BBOF1: variants seen among roughly 807,000 people sequenced by gnomAD.
BBOF1 encodes basal body-orientation factor 1.
In BBOF1, 62 loss-of-function variants were observed where a neutral mutation model predicts 68.0. That is an observed-to-expected ratio of 0.91 (90% confidence interval 0.74 to 1.13). The LOEUF (loss-of-function observed/expected upper bound fraction) is 1.13, where lower values mean the gene tolerates loss of function less well. Ranked by LOEUF, BBOF1 falls within the 50% of genes most tolerant of loss-of-function variation. The pLI, the probability that BBOF1 is intolerant of heterozygous loss-of-function variation, is 0.00. For synonymous variants in BBOF1, 208 were observed against 198.8 expected (o/e 1.05, Z -0.39); for missense variants, 534 against 600.1 (o/e 0.89, Z 1.15).
chr14:74,077,354 T>G (rs1044557981), intron 9 of BBOF1, among the ~76,000 whole-genome samples: 3 of 152,204 alleles, frequency 2.0e-5, no homozygotes, highest in Non-Finnish European at 4.4e-5. Context: ...TTTGGTATCT[T>G]ATTCCGTTTT....
In BBOF1 at chr14:74,055,588, C is replaced by T; in HGVS notation, c.1291C>T (p.His431Tyr). Residue 431 changes from histidine to tyrosine, a missense_variant, in exon 9 of 12, where the codon CAT becomes TAT. Transcript: ENST00000394009. ...QDLLEAEKWT[H>Y]IEGNVDIGDL... ...TTTTCCTTTGAAATTCTTTAGGACA[C>T]ATATTGAAGGAAATGTGGATATTGG... 1 of 1,608,654 alleles carries T rather than the reference C, an allele frequency of 6.2e-7. No individual in the cohort carries two copies. The highest frequency in any genetic ancestry group is 1.1e-5 in the South Asian group (1 of 90,676).
At chr14:74,069,048 C>T (rs934574464), downstream of BBOF1, 36 of 1,503,104 alleles carry the variant, frequency 2.4e-5, no homozygotes, top group African/African-American at 4.0e-4. Flanking sequence ...CAAATTTCCC[C>T]TTTCCCCACT....
At chr14:74,022,515 T>C (rs540306305) in intron 1 of BBOF1, among the ~76,000 whole-genome samples, 1 of 152,198 alleles carries the variant, frequency 6.6e-6, no homozygotes, top group Admixed American at 6.5e-5. Flanking sequence ...GCTACTGCAC[T>C]CCAGCCCGGT....
chr14:74,034,212 A>C (rs952659053), intron 4 of BBOF1, 41 bp downstream of exon 4: 9 of 1,400,172 alleles, frequency 6.4e-6, no homozygotes, highest in African/African-American at 1.5e-5. Flanking sequence ...AATTAGAATT[A>C]ACTATTTAAT....
chr14:74,032,186 G>A (rs1290474917), intron 3 of BBOF1, among the ~76,000 whole-genome samples: 1 of 147,906 alleles, frequency 6.8e-6, no homozygotes, highest in Non-Finnish European at 1.5e-5. Flanking sequence ...GAGTGCAGTG[G>A]CACGATCTCG....
chr14:74,078,471 A>G, intron 10 of BBOF1: 1 of 265,870 alleles, frequency 3.8e-6, no homozygotes, highest in Non-Finnish European at 7.5e-6. Context: ...TTCCTGCCTC[A>G]GCCTCCCAAA....
At chr14:74,023,208 T>G in intron 2 of BBOF1, 64 bp downstream of exon 2, 1 of 903,908 alleles carries the variant, frequency 1.1e-6, no homozygotes, top group South Asian at 1.8e-5. Context: ...GATGTGGTTA[T>G]GTATTTCAAA....
intron 1 of BBOF1, among the ~76,000 whole-genome samples, chr14:74,020,598 G>A (rs1291938298): frequency 6.6e-6 from 1 of 151,970 alleles, no homozygotes; most frequent in Admixed American, 6.6e-5. Flanking sequence ...CTGCCTTCTG[G>A]GTTCAACCAA....
intron 10 of BBOF1, 61 bp from the exon 11 acceptor site, chr14:74,057,083 C>G (rs1783104698): frequency 6.3e-7 from 1 of 1,598,342 alleles, no homozygotes; most frequent in African/African-American, 1.3e-5. Flanking sequence ...GTCTGTTATT[C>G]TAAACCAGGT....
At chr14:74,071,060 C>T (rs1163775273), downstream of BBOF1, 1 of 935,964 alleles carries the variant, frequency 1.1e-6, no homozygotes, top group Non-Finnish European at 1.7e-6. Flanking sequence ...AAATCATCAA[C>T]AAACATGGAG....
At chr14:74,029,078 C>CT in intron 2 of BBOF1, 106 bp from the exon 3 acceptor site, 1 of 678,814 alleles carries the variant, frequency 1.5e-6, no homozygotes, top group Non-Finnish European at 2.5e-6. Context: ...TCACTCACCT[C>CT]TTTTGCCATA....
chr14:74,055,405 T>C (rs757403489), intron 8 of BBOF1, 179 bp from the exon 9 acceptor site: 8 of 514,460 alleles, frequency 1.6e-5, no homozygotes, highest in Non-Finnish European at 2.8e-5. Flanking sequence ...CGCCTCGGCC[T>C]CCCAAAGTGC....
At chr14:74,031,961 G>A (rs369897972) in intron 3 of BBOF1, 1 of 152,028 alleles carries the variant, frequency 6.6e-6, no homozygotes, top group Non-Finnish European at 1.5e-5. Context: ...ATAGATTACT[G>A]TAAGTGGTAT....
chr14:74,080,237 G>A (rs1284294474), intron 10 of BBOF1, among the ~76,000 whole-genome samples: 1 of 151,948 alleles, frequency 6.6e-6, no homozygotes, highest in Non-Finnish European at 1.5e-5. Flanking sequence ...GTCTGTCCTA[G>A]AATTGTTTGA....
At chr14:74,036,354 G>T (rs538686292) in intron 4 of BBOF1, among the ~76,000 whole-genome samples, 5 of 152,252 alleles carry the variant, frequency 3.3e-5, no homozygotes, top group Non-Finnish European at 5.9e-5. Flanking sequence ...ACTGCACCTG[G>T]CCTAAAATAT....
intron 4 of BBOF1, among the ~76,000 whole-genome samples, chr14:74,038,854 C>T (rs973216687): frequency 6.6e-6 from 1 of 151,820 alleles, no homozygotes; most frequent in African/African-American, 2.4e-5. Flanking sequence ...AAAATCACTT[C>T]ACTCCAGCCT....
At chr14:74,082,529 A>G (rs1343219000) in intron 12 of BBOF1, among the ~76,000 whole-genome samples, 1 of 149,648 alleles carries the variant, frequency 6.7e-6, no homozygotes, top group East Asian at 2.0e-4. Flanking sequence ...CTTCCTGAGT[A>G]GCTGGGATTA....
chr14:74,067,543 C>G, downstream of BBOF1: 1 of 1,614,082 alleles, frequency 6.2e-7, no homozygotes. Context: ...TGGCATCTGG[C>G]ATGACTACCC....
intron 11 of BBOF1, among the ~76,000 whole-genome samples, chr14:74,061,321 A>ATTTTTT (rs1359402610): frequency 0.074 from 11,095 of 150,116 alleles, 545 homozygotes; most frequent in South Asian, 0.25. Context: ...ATTTATTTTG[A>ATTTTTT]GACAGAGTCT....
Sources: allele counts gnomAD v4.1 joint callset (sites outside exome capture counted in the v4.1 genomes callset), GRCh38; gene constraint gnomAD v4.1.1; transcripts MANE v1.5; gene names NCBI Gene and HGNC (gene_info 2026-07-23, HGNC 2026-07-21).